Variants in ATP1A1 observed in about 807,000 individuals in gnomAD.
ATP1A1 encodes the protein sodium/potassium-transporting ATPase subunit alpha-1.
ATP1A1 carries 14 observed loss-of-function variants against 114.8 expected under a neutral mutation model. The ratio of observed to expected loss-of-function variants is 0.12; its 90% CI spans 0.08 to 0.19. The LOEUF (loss-of-function observed/expected upper bound fraction) is 0.19. ATP1A1 is among the 10% of genes least tolerant of loss of function. The pLI is 1.00. For missense variants in ATP1A1, 524 were observed against 1,290.7 expected (o/e 0.41, Z 9.10); for synonymous variants, 471 against 466.3 (o/e 1.01, Z -0.13).
At chr1:116,390,757 T>C in intron 9 of ATP1A1, 25 bp from the exon 10 acceptor site, 1 of 1,580,100 alleles carries the variant, frequency 6.3e-7, no homozygotes, top group Non-Finnish European at 8.7e-7. Context: ...ATTGTTGTTC[T>C]GTTGTGTTTT....
intron 12 of ATP1A1, among the ~76,000 whole-genome samples, chr1:116,394,823 G>T (rs2101054287): frequency 6.6e-6 from 1 of 152,216 alleles, no homozygotes; most frequent in East Asian, 1.9e-4. Flanking sequence ...TAATATCCTG[G>T]TGCTCAAAAT....
chr1:116,397,600 C>T lies in ATP1A1; in HGVS notation c.1974-288C>T, dbSNP rs1424526954. Among the ~76,000 whole-genome samples the T allele has an allele frequency of 1.3e-5, 2 of 152,166 alleles. No homozygotes were observed. Among genetic ancestry groups the T allele is most frequent in the Non-Finnish European group, 2.9e-5 (2 of 68,026 alleles). ...GGGATTACAGGCATGAGCCACACAC[C>T]CAGCTAAAACTTGGTTATATTTCAG... is the stretch of plus-strand genomic sequence containing the variant. On this transcript the variant is annotated intron_variant, in intron 14 of 22. Coordinates refer to ENST00000295598, the MANE Select transcript of ATP1A1 (RefSeq NM_000701.8). The surrounding 1 kb of genome is among the most constrained non-coding windows in gnomAD (Gnocchi z 4.2).
Position 116,401,193 on chromosome 1 carries a change from G to A in ATP1A1, c.2782G>A (p.Val928Met). 2 of 1,614,218 alleles carry A rather than the reference G, an allele frequency of 1.2e-6. No individual in the cohort carries two copies. The highest frequency in any genetic ancestry group is 1.7e-6 in the Non-Finnish European group (2 of 1,180,046). Residue 928 changes from valine to methionine, a missense_variant, in exon 20 of 23, where the codon GTG becomes ATG. This residue lies in a region of ATP1A1 where 84 missense variants were observed against 209.3 expected (regional missense o/e 0.40). Coordinates refer to ENST00000295598, the MANE Select transcript of ATP1A1 (RefSeq NM_000701.8). The surrounding 1 kb of genome is among the most constrained non-coding windows in gnomAD (Gnocchi z 4.7). ...CHTAFFVSIV[V>M]VQWADLVICK... is the part of the protein sequence containing the mutation. Reference sequence around the variant, plus strand: ...CACAGCCTTCTTCGTCAGTATCGTGGTGGTGCAGTGGGCCGACTTGGTCAT... The same window carrying A: ...CACAGCCTTCTTCGTCAGTATCGTGATGGTGCAGTGGGCCGACTTGGTCAT...
chr1:116,373,532 C>T lies in ATP1A1; in HGVS notation c.12+9C>T. On this transcript the variant is annotated intron_variant, in intron 1 of 22. Transcript: ENST00000295598. ...CCACCATGGGGAAGGGGGTGAGTGTCCGGCGCGCCCGGGGAGGGGGCTCGG... is the reference window on the plus strand; with the variant it reads ...CCACCATGGGGAAGGGGGTGAGTGTTCGGCGCGCCCGGGGAGGGGGCTCGG... The T allele has an allele frequency of 6.9e-7, 1 of 1,450,600 alleles. No individual in the cohort carries two copies. The highest frequency in any genetic ancestry group is 1.4e-5 in the South Asian group (1 of 69,218). 89.9% of individuals were successfully genotyped at this position (1,450,600 alleles called of 1,614,324 possible). A position where few individuals can be genotyped will look rare whatever the true frequency, so the allele number is the denominator to read the frequency against.
chr1:116,389,466 C>G lies in ATP1A1; in HGVS notation c.782C>G (p.Thr261Ser). ...EGTARGIVVYTGDRTVMGRIA... is the reference protein window; with the variant it reads ...EGTARGIVVYSGDRTVMGRIA... ...ACCGCACGTGGTATTGTTGTCTACA[C>G]TGGGGATCGCACTGTGATGGGAAGA... Residue 261 changes from threonine to serine, a missense_variant, in exon 8 of 23, where the codon ACT becomes AGT. Thr to Ser is a moderately conservative substitution (Grantham distance 58). Around this residue, in one of 8 missense-constraint regions of ATP1A1, gnomAD observed 141 missense variants for 316.6 expected, o/e 0.45. Coordinates refer to ENST00000295598, the MANE Select transcript of ATP1A1 (RefSeq NM_000701.8). This position sits in a 1 kb window ranked among gnomAD's most constrained non-coding sequence, Gnocchi z 6.9. The G allele has an allele frequency of 6.2e-7, 1 of 1,614,218 alleles. No homozygotes were observed. The highest frequency in any genetic ancestry group is 8.5e-7 in the Non-Finnish European group (1 of 1,180,044).
intron 1 of ATP1A1, among the ~76,000 whole-genome samples, chr1:116,376,591 G>A (rs1279329404): frequency 6.6e-6 from 1 of 151,890 alleles, no homozygotes; most frequent in Admixed American, 6.6e-5. Context: ...GGTTCTTTCT[G>A]TACCCTTTTA....
chr1:116,402,392 G>T (rs1653562946), intron 21 of ATP1A1, among the ~76,000 whole-genome samples: 1 of 152,210 alleles, frequency 6.6e-6, no homozygotes, highest in Non-Finnish European at 1.5e-5. Flanking sequence ...TTGATTTAAA[G>T]CATTAGTCTC....
At position 116,384,962 on chromosome 1, in the gene ATP1A1, C is replaced by T. The variant is rs1288307173; in HGVS notation, c.183+120C>T. ...GTAAGAAAATGACAGACACCATCTG[C>T]GTATCTACCATGTGACATGCACAGA... On this transcript the variant is annotated intron_variant, in intron 3 of 22. Coordinates refer to ENST00000295598, the MANE Select transcript of ATP1A1 (RefSeq NM_000701.8). The surrounding 1 kb of genome is among the most constrained non-coding windows in gnomAD (Gnocchi z 5.1). 1.1e-5 allele frequency: 10 copies of T among 933,222 alleles called. No individual in the cohort carries two copies. Among genetic ancestry groups the T allele is most frequent in the Middle Eastern group, 2.1e-4 (1 of 4,726 alleles). 57.8% of individuals were successfully genotyped at this position (933,222 alleles called of 1,614,324 possible).
chr1:116,378,352 C>A lies in ATP1A1; in HGVS notation c.12+4829C>A, dbSNP rs376730391. ...TGAGTTATGATGAAATATATCTGCA[C>A]GTGATCTCTTTCCAGTTTTATTCAA... On this transcript the variant is annotated intron_variant, in intron 1 of 22. Transcript: ENST00000295598. 4.6e-5 allele frequency among the ~76,000 whole-genome samples: 7 copies of A among 152,348 alleles called. 1 individual carries two copies. The East Asian group carries it at 7.7e-4, about 17-fold the overall frequency.
At position 116,387,759 on chromosome 1, in the gene ATP1A1, G is replaced by A. The variant is rs954672116; in HGVS notation, c.387+268G>A. On this transcript the variant is annotated intron_variant, in intron 4 of 22. Coordinates refer to ENST00000295598, the MANE Select transcript of ATP1A1 (RefSeq NM_000701.8). This position sits in a 1 kb window ranked among gnomAD's most constrained non-coding sequence, Gnocchi z 6.7. ...AGCAGGCAGCTCTGCTCAGGCCCCG[G>A]CCGCCACCCACTGGATGGCAGAGCA... 1.3e-5 allele frequency among the ~76,000 whole-genome samples: 2 copies of A among 152,236 alleles called. No individual in the cohort carries two copies. Among genetic ancestry groups the A allele is most frequent in the Admixed American group, 6.5e-5 (1 of 15,284 alleles).
intron 1 of ATP1A1, chr1:116,383,310 T>C (rs1429173897): frequency 1.3e-5 from 14 of 1,071,606 alleles, no homozygotes; most frequent in Non-Finnish European, 1.6e-5. Flanking sequence ...GCTGACTTTT[T>C]AATATGGGAA....
chr1:116,373,377 C>CA lies in ATP1A1; in HGVS notation c.-135_-134insA. 1 of 523,228 alleles carries CA rather than the reference C, an allele frequency of 1.9e-6. No homozygotes were observed. Among genetic ancestry groups the CA allele is most frequent in the Non-Finnish European group, 3.0e-6 (1 of 336,564 alleles). 32.4% of individuals were successfully genotyped at this position (523,228 alleles called of 1,614,324 possible). Reference sequence around the variant, plus strand: ...CCGAGCCGCCGGCCGCCCTCCCACCCTCCCGCCCCGCGGCAGCCCTAGCTC... The same window carrying CA: ...CCGAGCCGCCGGCCGCCCTCCCACCCATCCCGCCCCGCGGCAGCCCTAGCTC... On this transcript the variant is annotated 5_prime_UTR_variant, in exon 1 of 23. Transcript: ENST00000295598.
At chr1:116,373,752 G>T in intron 1 of ATP1A1, 1 of 992,554 alleles carries the variant, frequency 1.0e-6, no homozygotes, top group Non-Finnish European at 1.2e-6. Context: ...GCGCGGCATT[G>T]CTTAGGGGGG....
intron 12 of ATP1A1, among the ~76,000 whole-genome samples, chr1:116,394,586 A>C (rs902611314): frequency 6.6e-6 from 1 of 152,094 alleles, no homozygotes; most frequent in African/African-American, 2.4e-5. Flanking sequence ...TATTTACTAT[A>C]CTAGATGATA....
chr1:116,390,529 C>CTTTTTTTTTTTTTTTTTTTTTTTTTTTTT (rs1261190970), intron 9 of ATP1A1, 118 bp downstream of exon 9: 1 of 906,374 alleles, frequency 1.1e-6, no homozygotes, highest in Non-Finnish European at 1.5e-6. Flanking sequence ...CTTTTTCTTT[C>CTTTTTTTTTTTTTTTTTTTTTTTTTTTTT]TTTTTTGTTT....
intron 1 of ATP1A1, among the ~76,000 whole-genome samples, chr1:116,377,078 G>C (rs943807690): frequency 2.0e-5 from 3 of 152,160 alleles, no homozygotes; most frequent in African/African-American, 4.8e-5. Context: ...AATAAGAAAG[G>C]CTTTAACTAA....
Position 116,389,846 on chromosome 1 carries a change from C to T in ATP1A1, c.1023+139C>T, listed in dbSNP as rs1171054085. Reference sequence around the variant, plus strand: ...ATAGTTCTTCTTGAGAGCCACATCACGTGGTGAATTTTGACAGTGAGAAAA... The same window carrying T: ...ATAGTTCTTCTTGAGAGCCACATCATGTGGTGAATTTTGACAGTGAGAAAA... On this transcript the variant is annotated intron_variant, in intron 8 of 22. Transcript: ENST00000295598. This position sits in a 1 kb window ranked among gnomAD's most constrained non-coding sequence, Gnocchi z 6.9. The T allele has an allele frequency of 9.2e-5, 117 of 1,271,380 alleles. No individual in the cohort carries two copies. The highest frequency in any genetic ancestry group is 1.2e-4 in the Non-Finnish European group (110 of 939,540). The allele number at this position is 1,271,380 out of a possible 1,614,324, so 78.8% of individuals were successfully genotyped here.
chr1:116,404,668 G>A lies in ATP1A1; in HGVS notation c.*224G>A, dbSNP rs991566549. ...ATCTGTGGAAATGACAGCGGGGAAG[G>A]TTTTTATGTGCCTTTTTGTTTTTGT... On this transcript the variant is annotated 3_prime_UTR_variant, in exon 23 of 23. Transcript: ENST00000295598. The surrounding 1 kb of genome is among the most constrained non-coding windows in gnomAD (Gnocchi z 4.8). 2.3e-6 allele frequency: 3 copies of A among 1,293,844 alleles called. No individual in the cohort carries two copies. Among genetic ancestry groups the A allele is most frequent in the Non-Finnish European group, 2.9e-6 (3 of 1,025,932 alleles). 80.1% of individuals were successfully genotyped at this position (1,293,844 alleles called of 1,614,324 possible).
rs1570949697 is a variant in ATP1A1 at position 116,384,718 on chromosome 1, AT to A, written c.124-59del. 1 of 1,389,868 alleles carries A rather than the reference AT, an allele frequency of 7.2e-7. No homozygotes were observed. Among genetic ancestry groups the A allele is most frequent in the Non-Finnish European group, 1.0e-6 (1 of 1,002,196 alleles). 86.1% of individuals were successfully genotyped at this position (1,389,868 alleles called of 1,614,324 possible). A position where few individuals can be genotyped will look rare whatever the true frequency, so the allele number is the denominator to read the frequency against. On this transcript the variant is annotated intron_variant, in intron 2 of 22. Coordinates refer to ENST00000295598, the MANE Select transcript of ATP1A1 (RefSeq NM_000701.8). The surrounding 1 kb of genome is among the most constrained non-coding windows in gnomAD (Gnocchi z 5.1). ...CTTAATGATAGTAATGAATAATGCT[AT>A]TTTTTCTGTCATTTTTTTATACTAC...
Sources: gnomAD v4.1 joint callset for allele counts (sites outside exome capture counted in the v4.1 genomes callset) on GRCh38, gnomAD v4.1.1 for gene constraint, gnomAD v4.1.1 regional missense constraint, Gnocchi (gnomAD v3.1) non-coding constraint, MANE v1.5 for transcripts, NCBI Gene and HGNC (gene_info 2026-07-23, HGNC 2026-07-21) for gene names.